Variants in LDAH observed in about 807,000 individuals in gnomAD.
LDAH encodes lipid droplet associated hydrolase, also known as lipid droplet-associated hydrolase.
Under a neutral mutation model 29.6 loss-of-function variants are expected in LDAH, and 26 were observed. The ratio of observed to expected loss-of-function variants is 0.88; its 90% CI spans 0.64 to 1.22. The LOEUF (loss-of-function observed/expected upper bound fraction) is 1.22. LDAH is among the 50% of genes most tolerant of loss of function. The probability of loss-of-function intolerance (pLI) is 0.00; values close to 1 mark genes in which losing one functional copy is unlikely to be tolerated. For synonymous variants in LDAH, 117 were observed against 133.0 expected (o/e 0.88, Z 0.83); for missense variants, 344 against 387.3 (o/e 0.89, Z 0.94).
chr2:20,704,384 A>G (rs1178077045), intron 5 of LDAH, among the ~76,000 whole-genome samples: 2 of 152,228 alleles, frequency 1.3e-5, no homozygotes, highest in Non-Finnish European at 2.9e-5. Flanking sequence ...TTGTTTTACT[A>G]TATTTCAGGG....
intron 5 of LDAH, among the ~76,000 whole-genome samples, chr2:20,731,271 T>C (rs939576221): frequency 6.6e-6 from 1 of 152,142 alleles, no homozygotes; most frequent in African/African-American, 2.4e-5. Flanking sequence ...CTTAACACCA[T>C]CCCCCTTGGT....
intron 5 of LDAH, among the ~76,000 whole-genome samples, chr2:20,737,894 G>T (rs929225604): frequency 6.6e-6 from 1 of 151,996 alleles, no homozygotes. Context: ...CTCAGACTTG[G>T]GAGTGTCCAG....
chr2:20,795,974 CACACACACACAA>C (rs1343213136), intron 2 of LDAH, among the ~76,000 whole-genome samples: 1 of 151,380 alleles, frequency 6.6e-6, no homozygotes, highest in African/African-American at 2.4e-5. Context: ...CACACACACA[CACACACACACAA>C]AATACAATTC....
At chr2:20,695,450 CTTTCTT>C (rs1558383356) in intron 6 of LDAH, among the ~76,000 whole-genome samples, 6 of 146,680 alleles carry the variant, frequency 4.1e-5, no homozygotes, top group Non-Finnish European at 4.5e-5. Flanking sequence ...TCCAGACACT[CTTTCTT>C]TTTTTTTTTT....
chr2:20,789,877 C>A (rs184698341), intron 3 of LDAH, among the ~76,000 whole-genome samples: 1 of 152,140 alleles, frequency 6.6e-6, no homozygotes, highest in Non-Finnish European at 1.5e-5. Flanking sequence ...ACCATCCACC[C>A]CTCCCCAGTC....
chr2:20,787,618 G>A (rs1057428615), intron 3 of LDAH, among the ~76,000 whole-genome samples: 2 of 152,156 alleles, frequency 1.3e-5, no homozygotes, highest in African/African-American at 4.8e-5. Flanking sequence ...ATTGCGAGGA[G>A]AGAAGTGACA....
intron 6 of LDAH, among the ~76,000 whole-genome samples, chr2:20,700,316 C>A (rs1381464176): frequency 6.6e-6 from 1 of 152,118 alleles, no homozygotes; most frequent in Non-Finnish European, 1.5e-5. Context: ...AATATGATGA[C>A]CACTATGGCC....
chr2:20,729,491 A>G (rs925443574), intron 5 of LDAH, among the ~76,000 whole-genome samples: 145 of 152,314 alleles, frequency 9.5e-4, no homozygotes, highest in African/African-American at 3.1e-3. Context: ...AGGCATAAGT[A>G]CAGCTGCATA....
At chr2:20,796,293 ATT>A (rs1671302044) in intron 2 of LDAH, among the ~76,000 whole-genome samples, 1 of 152,170 alleles carries the variant, frequency 6.6e-6, no homozygotes, top group South Asian at 2.1e-4. Context: ...GCAACACAGT[ATT>A]CCTAGCACCT....
At chr2:20,724,903 T>C (rs2149405809) in intron 5 of LDAH, among the ~76,000 whole-genome samples, 1 of 152,288 alleles carries the variant, frequency 6.6e-6, no homozygotes, top group African/African-American at 2.4e-5. Context: ...TTTGCCATTA[T>C]TGAGGAGAGG....
intron 1 of LDAH, among the ~76,000 whole-genome samples, chr2:20,811,041 G>A (rs1041914519): frequency 8.1e-5 from 12 of 148,792 alleles, no homozygotes; most frequent in African/African-American, 2.7e-4. Context: ...TTTTTGAGAC[G>A]GAGTCCCGCT....
intron 5 of LDAH, among the ~76,000 whole-genome samples, chr2:20,702,445 GTC>G (rs1461014544): frequency 6.6e-5 from 10 of 152,196 alleles, no homozygotes; most frequent in African/African-American, 2.4e-4. Flanking sequence ...CAGTTTGAAA[GTC>G]TCTGTTTCTT....
intron 4 of LDAH, among the ~76,000 whole-genome samples, chr2:20,752,367 G>A (rs931460522): frequency 6.6e-6 from 1 of 152,164 alleles, no homozygotes; most frequent in Non-Finnish European, 1.5e-5. Context: ...AGAAAAGACA[G>A]GGAGGGAGGG....
At chr2:20,774,345 G>A (rs1425992644) in intron 4 of LDAH, among the ~76,000 whole-genome samples, 1 of 151,760 alleles carries the variant, frequency 6.6e-6, no homozygotes, top group African/African-American at 2.4e-5. Context: ...GTAAGAATCT[G>A]AACTTATGAA....
rs536387544 is a variant in LDAH, at chr2:20,771,544, C to A, written c.468+3266G>T. ...GCTAACTTCAGGCATGCAGGCACTGCGGTGTCTTAGAGTAGCCCAGAGACA... is the reference window on the plus strand; with the variant it reads ...GCTAACTTCAGGCATGCAGGCACTGAGGTGTCTTAGAGTAGCCCAGAGACA... On this transcript the variant is annotated intron_variant, in intron 4 of 6. Transcript: ENST00000237822. 1.1e-3 allele frequency among the ~76,000 whole-genome samples: 170 copies of A among 152,326 alleles called. 2 individuals carry two copies. The highest frequency in any genetic ancestry group is 3.9e-3 in the African/African-American group (161 of 41,574).
At chr2:20,799,778 T>G (rs977159176) in intron 2 of LDAH, among the ~76,000 whole-genome samples, 1 of 151,994 alleles carries the variant, frequency 6.6e-6, no homozygotes, top group African/African-American at 2.4e-5. Context: ...GCTTTTTTTT[T>G]CCTCCTAATG....
At chr2:20,810,763 G>T (rs907592540) in intron 1 of LDAH, among the ~76,000 whole-genome samples, 2 of 152,174 alleles carry the variant, frequency 1.3e-5, no homozygotes, top group South Asian at 4.1e-4. Flanking sequence ...GGAGATAAGC[G>T]GCAAGCAAGC....
chr2:20,701,542 T>C, intron 6 of LDAH, 28 bp downstream of exon 6: 2 of 1,584,306 alleles, frequency 1.3e-6, no homozygotes, highest in South Asian at 2.2e-5. Context: ...ACTTATTATC[T>C]ATCCCCTTGC....
At position 20,726,607 on chromosome 2, in the gene LDAH, C is replaced by A. The variant is rs543517485; in HGVS notation, c.703+13364G>T. ...TATTTATTTCCAGGTTGTTTTCCAC[C>A]TTTCCAATGGTGCCAAGTTGCAACA... On this transcript the variant is annotated intron_variant, in intron 5 of 6. Transcript: ENST00000237822. 3.9e-5 allele frequency among the ~76,000 whole-genome samples: 6 copies of A among 152,256 alleles called. No individual in the cohort carries two copies. The East Asian group carries it at 9.6e-4, about 24-fold the overall frequency.
Sources: allele counts gnomAD v4.1 joint callset (sites outside exome capture counted in the v4.1 genomes callset), GRCh38; gene constraint gnomAD v4.1.1; transcripts MANE v1.5; gene names NCBI Gene and HGNC (gene_info 2026-07-23, HGNC 2026-07-21).